The following PPP1R7 variants were observed in gnomAD, a reference collection of about 807,000 sequenced individuals.
The protein encoded by PPP1R7 is protein phosphatase 1 regulatory subunit 22.
In PPP1R7, 18 loss-of-function variants were observed where a neutral mutation model predicts 45.2. The observed-to-expected ratio is 0.40, with a 90% CI of 0.28 to 0.59. The LOEUF (loss-of-function observed/expected upper bound fraction) is 0.59, where lower values mean the gene tolerates loss of function less well. Ranked by LOEUF, PPP1R7 falls within the 20% of genes least tolerant of loss-of-function variation. The pLI, the probability that PPP1R7 is intolerant of heterozygous loss-of-function variation, is 0.46. For missense variants in PPP1R7, 314 were observed against 455.8 expected (o/e 0.69, Z 2.83); for synonymous variants, 181 against 183.4 (o/e 0.99, Z 0.11).
intron 9 of PPP1R7, among the ~76,000 whole-genome samples, chr2:241,177,289 C>A (rs114771407): frequency 1.3e-5 from 2 of 152,052 alleles, no homozygotes; most frequent in South Asian, 4.2e-4. Flanking sequence ...TGGTGGCACG[C>A]GCCTGTAGTC....
chr2:241,152,032 T>C (rs550459351), intron 1 of PPP1R7, among the ~76,000 whole-genome samples: 1 of 152,326 alleles, frequency 6.6e-6, no homozygotes, highest in East Asian at 1.9e-4. Flanking sequence ...CTCCTCCTCT[T>C]ACTGGGGTTT....
chr2:241,179,783 A>G (rs1033436521), intron 9 of PPP1R7, among the ~76,000 whole-genome samples: 35 of 152,262 alleles, frequency 2.3e-4, no homozygotes, highest in African/African-American at 8.2e-4. Flanking sequence ...ACAGAGTCTC[A>G]TACAAGTGAA....
intron 9 of PPP1R7, 165 bp downstream of exon 9, chr2:241,170,032 T>G: frequency 1.7e-6 from 1 of 590,142 alleles, no homozygotes; most frequent in Non-Finnish European, 3.0e-6. Flanking sequence ...GTATTGGGTG[T>G]TGTCTGTGCT....
chr2:241,150,880 G>T lies in PPP1R7; in HGVS notation c.52+333G>T, dbSNP rs551835378. Among the ~76,000 whole-genome samples, 22 of 152,342 alleles carry T rather than the reference G, an allele frequency of 1.4e-4. 1 individual carries two copies. Among genetic ancestry groups the T allele is most frequent in the African/African-American group, 4.8e-4 (20 of 41,580 alleles). On this transcript the variant is annotated intron_variant, in intron 1 of 9. Coordinates refer to ENST00000234038, the MANE Select transcript of PPP1R7 (RefSeq NM_002712.3). Reference sequence around the variant, plus strand: ...GAGCCTCTGAGATTGACGGGCGGGGGAGCCTCCTCGGTCAGCTGACGAGGA... The same window carrying T: ...GAGCCTCTGAGATTGACGGGCGGGGTAGCCTCCTCGGTCAGCTGACGAGGA...
Position 241,163,330 on chromosome 2 carries a change from T to A in PPP1R7, c.643T>A (p.Leu215Met), listed in dbSNP as rs564103927. Reference protein sequence around the residue: ...DTLTNLESLFLGKNKITKLQN... With the variant: ...DTLTNLESLFMGKNKITKLQN... ...CTTAACCAACCTGGAGAGTTTGTTT[T>A]TGGGGAAAAACAAAATTACTAAACT... Residue 215 changes from leucine (L) to methionine (M), a missense_variant, in exon 7 of 10, where the codon TTG becomes ATG. By Grantham distance (15) the Leu-to-Met change is conservative (BLOSUM62 2). Around this residue, in one of 3 missense-constraint regions of PPP1R7, gnomAD observed 168 missense variants for 285.3 expected, o/e 0.59. Transcript: ENST00000234038. 11 of 1,614,024 alleles carry A rather than the reference T, an allele frequency of 6.8e-6. No homozygotes were observed. The South Asian group carries it at 1.2e-4, about 18-fold the overall frequency.
chr2:241,156,721 C>G (rs1479776791), intron 2 of PPP1R7, among the ~76,000 whole-genome samples: 1 of 152,118 alleles, frequency 6.6e-6, no homozygotes, highest in Non-Finnish European at 1.5e-5. Context: ...GAAATACCAT[C>G]TAGTCACAAT....
In PPP1R7 at chr2:241,159,359, CACAGGAGA is replaced by C; in HGVS notation, c.434+21_434+28del. ...CAGAGCTGGAGTGAGTCATGAGACC[CACAGGAGA>C]ACAGCATGGTGGGAAGGCCACTGGG... is the stretch of plus-strand genomic sequence containing the variant. On this transcript the variant is annotated intron_variant, in intron 5 of 9. Transcript: ENST00000234038. The C allele has an allele frequency of 6.2e-7, 1 of 1,610,620 alleles. No homozygotes were observed. Among genetic ancestry groups the C allele is most frequent in the Non-Finnish European group, 8.5e-7 (1 of 1,178,038 alleles).
At chr2:241,181,191 C>A (rs965543507) in intron 9 of PPP1R7, among the ~76,000 whole-genome samples, 1 of 151,910 alleles carries the variant, frequency 6.6e-6, no homozygotes, top group Non-Finnish European at 1.5e-5. Flanking sequence ...GAGCGAGACT[C>A]CCTCTCAAAA....
chr2:241,150,269 C>T, upstream of PPP1R7: 1 of 1,319,782 alleles, frequency 7.6e-7, no homozygotes, highest in Non-Finnish European at 9.7e-7. Context: ...CTTCTCGCCT[C>T]CAGACTGTTC....
rs376216537 is a variant in PPP1R7 at position 241,177,274 on chromosome 2, G to A, written c.907-5373G>A. On this transcript the variant is annotated intron_variant, in intron 9 of 9. Transcript: ENST00000234038. ...TCTACTAAAATACAAAAATTTAGCT[G>A]GATGTGGTGGCACGCGCCTGTAGTC... Among the ~76,000 whole-genome samples the A allele has an allele frequency of 1.6e-4, 24 of 152,056 alleles. No individual in the cohort carries two copies. In the East Asian group the frequency reaches 4.5e-3, roughly 28 times the overall value.
intron 2 of PPP1R7, among the ~76,000 whole-genome samples, chr2:241,157,332 T>G (rs1448412925): frequency 3.3e-5 from 5 of 152,246 alleles, no homozygotes; most frequent in African/African-American, 1.2e-4. Flanking sequence ...TCCTAGAGCA[T>G]CTGATGTGCC....
chr2:241,153,705 A>G (rs938433539), intron 2 of PPP1R7, 101 bp downstream of exon 2: 12 of 1,474,638 alleles, frequency 8.1e-6, no homozygotes, highest in Non-Finnish European at 1.1e-5. Flanking sequence ...CGGTCTGGAG[A>G]AGGACTGCCG....
chr2:241,173,756 G>T (rs573836781), intron 9 of PPP1R7, among the ~76,000 whole-genome samples: 2 of 152,108 alleles, frequency 1.3e-5, no homozygotes, highest in African/African-American at 4.8e-5. Context: ...CCACCCCTTG[G>T]GCTTTCATCT....
chr2:241,160,427 G>A lies in PPP1R7; in HGVS notation c.530G>A (p.Ser177Asn). 6.2e-7 allele frequency: 1 copy of A among 1,613,050 alleles called. No homozygotes were observed. Among genetic ancestry groups the A allele is most frequent in the South Asian group, 1.1e-5 (1 of 90,714 alleles). Residue 177 changes from serine (S) to asparagine (N), a missense_variant, in exon 6 of 10, where the codon AGT becomes AAT. Ser to Asn is a conservative substitution (Grantham distance 46, BLOSUM62 1). Transcript: ENST00000234038. ...KKLFLVNNKISKIENLSNLHQ... is the reference protein window; with the variant it reads ...KKLFLVNNKINKIENLSNLHQ... ...CTCTTCTTGGTCAACAATAAAATCA[G>A]TAAAATTGAGAACTTAAGCAACTTA... is the stretch of plus-strand genomic sequence containing the variant.
intron 9 of PPP1R7, among the ~76,000 whole-genome samples, chr2:241,171,972 T>C (rs1481226439): frequency 6.6e-6 from 1 of 152,228 alleles, no homozygotes; most frequent in African/African-American, 2.4e-5. Flanking sequence ...AGATCTTGCT[T>C]TCTTCTCCAG....
intron 9 of PPP1R7, among the ~76,000 whole-genome samples, chr2:241,176,956 C>T (rs978953927): frequency 6.6e-6 from 1 of 152,186 alleles, no homozygotes; most frequent in Admixed American, 6.5e-5. Flanking sequence ...TGCAGCTGGG[C>T]ACGGTGGCTC....
At chr2:241,149,651 GCGC>G, upstream of PPP1R7, 1 of 1,541,672 alleles carries the variant, frequency 6.5e-7, no homozygotes, top group Non-Finnish European at 8.7e-7. Context: ...GGAATAATGG[GCGC>G]CTCCGCCCCC....
At position 241,166,423 on chromosome 2, in the gene PPP1R7, C is replaced by G. The variant is rs754382709; in HGVS notation, c.801C>G (p.Ile267Met). 6.2e-7 allele frequency: 1 copy of G among 1,613,766 alleles called. No individual in the cohort carries two copies. The highest frequency in any genetic ancestry group is 8.5e-7 in the Non-Finnish European group (1 of 1,179,818). The change falls in exon 8 of 10, where the codon ATC (isoleucine) becomes ATG (methionine). Residue 267 changes from isoleucine (I) to methionine (M), a missense_variant. Transcript: ENST00000234038. Reference protein sequence around the residue: ...LYLSHNGIEVIEGLENNNKLT... With the variant: ...LYLSHNGIEVMEGLENNNKLT... ...TTAGCCACAATGGCATCGAGGTCAT[C>G]GAGGGCCTGGAGAACAATGTAAGAC...
chr2:241,159,866 A>G (rs2067545688), intron 5 of PPP1R7, among the ~76,000 whole-genome samples: 1 of 144,860 alleles, frequency 6.9e-6, no homozygotes. Context: ...CCTGTCTACA[A>G]AAATTAAAAT....
Sources: gnomAD v4.1 joint callset for allele counts (sites outside exome capture counted in the v4.1 genomes callset) on GRCh38, gnomAD v4.1.1 for gene constraint, gnomAD v4.1.1 regional missense constraint, MANE v1.5 for transcripts, NCBI Gene and HGNC (gene_info 2026-07-23, HGNC 2026-07-21) for gene names.